DPP6: variants seen among roughly 807,000 people sequenced by gnomAD.
DPP6 encodes the protein dipeptidyl peptidase like 6.
Under a neutral mutation model 122.6 loss-of-function variants are expected in DPP6, and 69 were observed. The observed-to-expected ratio is 0.56, with a 90% confidence interval of 0.46 to 0.69. DPP6 has a LOEUF of 0.69. Among genes scored for constraint, DPP6 ranks in the 30% least tolerant of loss-of-function variants. DPP6 has a pLI of 0.00. For missense variants in DPP6, 928 were observed against 1,116.9 expected (o/e 0.83, Z 2.41); for synonymous variants, 418 against 433.1 (o/e 0.97, Z 0.43).
At chr7:154,498,910 A>G (rs147320984) in intron 3 of DPP6, among the ~76,000 whole-genome samples, 39 of 152,308 alleles carry the variant, frequency 2.6e-4, no homozygotes, top group African/African-American at 9.1e-4. Flanking sequence ...AGAAATTACT[A>G]TTCTATATCC....
chr7:153,857,924 T>C, the DPP6 span, among the ~76,000 whole-genome samples: 340 of 152,306 alleles, frequency 2.2e-3, 2 homozygotes, highest in African/African-American at 7.8e-3. Flanking sequence ...ATCAATTGTA[T>C]AAAAATGTTA....
At chr7:154,342,559 G>A (rs4379378) in intron 1 of DPP6, among the ~76,000 whole-genome samples, 17,028 of 152,188 alleles carry the variant, frequency 0.11, 1,392 homozygotes, top group African/African-American at 0.22. Flanking sequence ...CTTTGAGACT[G>A]CCTGAAAGAT....
At position 154,779,220 on chromosome 7, in the gene DPP6, C is replaced by A. The variant is rs1413857831; in HGVS notation, c.1136+6278C>A. 2.1e-5 allele frequency among the ~76,000 whole-genome samples: 3 copies of A among 141,676 alleles called. No homozygotes were observed. The South Asian group carries it at 7.3e-4, about 34-fold the overall frequency. 92.9% of individuals were successfully genotyped at this position (141,676 alleles called of 152,430 possible). A position where few individuals can be genotyped will look rare whatever the true frequency, so the allele number is the denominator to read the frequency against. Reference sequence around the variant, plus strand: ...TCTACCACCACCAGGTCCACTGTCACCTCCACCACCTCCATCATCTCCACA... The same window carrying A: ...TCTACCACCACCAGGTCCACTGTCAACTCCACCACCTCCATCATCTCCACA... On this transcript the variant is annotated intron_variant, in intron 10 of 25. Coordinates refer to ENST00000377770, the MANE Select transcript of DPP6 (RefSeq NM_130797.4).
chr7:154,859,977 G>A lies in DPP6; in HGVS notation c.1714+6150G>A, dbSNP rs567357227. Among the ~76,000 whole-genome samples the A allele has an allele frequency of 1.3e-4, 20 of 152,328 alleles. No homozygotes were observed. The South Asian group carries it at 2.7e-3, about 20-fold the overall frequency. Reference sequence around the variant, plus strand: ...ACCCCACAGCGGCCTGCAAGCGCATGTGGGAGCTTGGGATCACTAGGCAGC... The same window carrying A: ...ACCCCACAGCGGCCTGCAAGCGCATATGGGAGCTTGGGATCACTAGGCAGC... On this transcript the variant is annotated intron_variant, in intron 17 of 25. Transcript: ENST00000377770.
intron 1 of DPP6, chr7:154,305,648 A>T (rs1333864305): frequency 2.0e-6 from 3 of 1,483,584 alleles, no homozygotes; most frequent in Non-Finnish European, 2.7e-6. Context: ...GAGAGGGAGG[A>T]TATGTATTTG....
chr7:154,747,803 C>T (rs1843104785), intron 8 of DPP6, among the ~76,000 whole-genome samples: 1 of 152,112 alleles, frequency 6.6e-6, no homozygotes, highest in Non-Finnish European at 1.5e-5. Context: ...TCCACTGACA[C>T]CCTAGTTTTT....
chr7:153,964,730 G>T (rs1795550782), intron 1 of DPP6, among the ~76,000 whole-genome samples: 1 of 151,900 alleles, frequency 6.6e-6, no homozygotes, highest in Non-Finnish European at 1.5e-5. Flanking sequence ...TCTGTAGCAG[G>T]TTGCATGAGA....
intron 1 of DPP6, among the ~76,000 whole-genome samples, chr7:154,343,946 C>T (rs10085419): frequency 0.19 from 28,344 of 152,182 alleles, 5,178 homozygotes; most frequent in African/African-American, 0.47. Context: ...GAAATCCTGA[C>T]CTCAAGTGAT....
At chr7:154,793,992 C>G in intron 10 of DPP6, 87 bp from the exon 11 acceptor site, 1 of 1,519,770 alleles carries the variant, frequency 6.6e-7, no homozygotes, top group Non-Finnish European at 8.9e-7. Flanking sequence ...GCTCCCGTGT[C>G]GTGTCCAGGG....
At chr7:154,305,680 A>C in intron 1 of DPP6, 3 of 1,375,856 alleles carry the variant, frequency 2.2e-6, no homozygotes, top group Non-Finnish European at 2.9e-6. Flanking sequence ...TGTATTTTGT[A>C]TTGGTTTATG....
chr7:154,063,619 C>T (rs139793837), intron 1 of DPP6, among the ~76,000 whole-genome samples: 2,146 of 122,066 alleles, frequency 0.018, 82 homozygotes, highest in Middle Eastern at 0.029. Context: ...GCACCCCCCA[C>T]GAGGCAGGGA....
In DPP6 at chr7:154,520,958, T is replaced by C. The variant is rs185488911; in HGVS notation, c.458-19574T>C. 5.3e-4 allele frequency among the ~76,000 whole-genome samples: 81 copies of C among 152,338 alleles called. 1 individual carries two copies. The highest frequency in any genetic ancestry group is 1.7e-3 in the African/African-American group (72 of 41,586). ...CGTATTCTACTGAAGAAATAGCCAGTGATCTTCTGGCGGCCCATTTCAAAG... is the reference window on the plus strand; with the variant it reads ...CGTATTCTACTGAAGAAATAGCCAGCGATCTTCTGGCGGCCCATTTCAAAG... On this transcript the variant is annotated intron_variant, in intron 3 of 25. Coordinates refer to ENST00000377770, the MANE Select transcript of DPP6 (RefSeq NM_130797.4).
chr7:153,874,830 A>T, the DPP6 span, among the ~76,000 whole-genome samples: 789 of 152,370 alleles, frequency 5.2e-3, 4 homozygotes, highest in African/African-American at 0.018. Context: ...CAAACAAAAA[A>T]ATTCAATATC....
At chr7:154,771,809 T>C (rs1796264434) in intron 9 of DPP6, among the ~76,000 whole-genome samples, 1 of 152,250 alleles carries the variant, frequency 6.6e-6, no homozygotes, top group Admixed American at 6.5e-5. Flanking sequence ...GGTCTTAGTC[T>C]GTAGCATGTG....
intron 5 of DPP6, among the ~76,000 whole-genome samples, chr7:154,626,873 G>C (rs1835100557): frequency 6.6e-6 from 1 of 152,100 alleles, no homozygotes; most frequent in Non-Finnish European, 1.5e-5. Flanking sequence ...GCAGCCAAGG[G>C]AAAGATCAAG....
At position 154,446,730 on chromosome 7, in the gene DPP6, C is replaced by A. The variant is rs1819905576; in HGVS notation, c.358+402C>A. ...CTAAGGAGAAGGTGCTAAATAGGTACTACTGAATATTACATAAAGTATAAA... is the reference window on the plus strand; with the variant it reads ...CTAAGGAGAAGGTGCTAAATAGGTAATACTGAATATTACATAAAGTATAAA... On this transcript the variant is annotated intron_variant, in intron 2 of 25. Transcript: ENST00000377770. Among the ~76,000 whole-genome samples the A allele has an allele frequency of 2.0e-5, 3 of 152,258 alleles. No individual in the cohort carries two copies. In the South Asian group the frequency reaches 6.2e-4, roughly 32 times the overall value.
At chr7:154,487,768 A>G (rs928943672) in intron 3 of DPP6, among the ~76,000 whole-genome samples, 1 of 152,232 alleles carries the variant, frequency 6.6e-6, no homozygotes, top group African/African-American at 2.4e-5. Context: ...GTCCTTAACC[A>G]TGGTAACCTG....
At chr7:153,749,989 T>C in the DPP6 span, among the ~76,000 whole-genome samples, 1 of 152,266 alleles carries the variant, frequency 6.6e-6, no homozygotes, top group African/African-American at 2.4e-5. The surrounding 1 kb of genome is among the most constrained non-coding windows in gnomAD (Gnocchi z 4.1). Context: ...GGCATATATG[T>C]TTATTAGCTC....
Position 154,418,776 on chromosome 7 carries a change from G to C in DPP6, c.244-27438G>C, listed in dbSNP as rs183053449. Reference sequence around the variant, plus strand: ...TGAAAGACAGTTCCTATAAAAACATGAGATTGAGAACCCATCAAACAAGTA... The same window carrying C: ...TGAAAGACAGTTCCTATAAAAACATCAGATTGAGAACCCATCAAACAAGTA... On this transcript the variant is annotated intron_variant, in intron 1 of 25. Transcript: ENST00000377770. 5.5e-3 allele frequency among the ~76,000 whole-genome samples: 842 copies of C among 152,254 alleles called. 33 individuals carry two copies. The highest frequency in any genetic ancestry group is 0.051 in the Admixed American group (782 of 15,284).
Sources: gnomAD v4.1 joint callset for allele counts (sites outside exome capture counted in the v4.1 genomes callset) on GRCh38, gnomAD v4.1.1 for gene constraint, Gnocchi (gnomAD v3.1) non-coding constraint, MANE v1.5 for transcripts, NCBI Gene and HGNC (gene_info 2026-07-23, HGNC 2026-07-21) for gene names.